Variants in RAPGEF5 observed in about 807,000 individuals in gnomAD.
RAPGEF5 encodes the protein Rap guanine nucleotide exchange factor 5.
A neutral mutation model predicts 125.2 loss-of-function variants in RAPGEF5; 65 were observed. The observed-to-expected ratio is 0.52, with a 90% confidence interval of 0.43 to 0.64. RAPGEF5 has a LOEUF of 0.64. RAPGEF5 is among the 30% of genes least tolerant of loss of function. The pLI is 0.00. For missense variants in RAPGEF5, 958 were observed against 1,048.1 expected, an observed-to-expected ratio of 0.91 and a Z score of 1.19; for synonymous variants, 391 against 385.9, an observed-to-expected ratio of 1.01 and a Z score of -0.16.
intron 11 of RAPGEF5, among the ~76,000 whole-genome samples, chr7:22,175,108 G>A (rs17146355): frequency 0.074 from 11,239 of 152,238 alleles, 608 homozygotes; most frequent in East Asian, 0.27. Flanking sequence ...CGAATGTACA[G>A]TCAATAGCCT....
chr7:22,141,634 G>A (rs567995320), intron 20 of RAPGEF5, among the ~76,000 whole-genome samples: 40 of 152,322 alleles, frequency 2.6e-4, no homozygotes, highest in African/African-American at 8.9e-4. Context: ...TAGAAAGGCC[G>A]TGTTGCCTCC....
chr7:22,254,683 G>C (rs964095866), intron 7 of RAPGEF5, among the ~76,000 whole-genome samples: 2 of 151,906 alleles, frequency 1.3e-5, no homozygotes, highest in African/African-American at 4.8e-5. Context: ...CTGGCACCAG[G>C]GACCAGTTTC....
intron 5 of RAPGEF5, among the ~76,000 whole-genome samples, chr7:22,297,645 A>G (rs1381980421): frequency 1.3e-5 from 2 of 152,262 alleles, no homozygotes; most frequent in East Asian, 3.8e-4. Flanking sequence ...GGCCATGGCC[A>G]GTGATGGCTG....
intron 7 of RAPGEF5, among the ~76,000 whole-genome samples, chr7:22,261,120 C>T (rs1382033200): frequency 5.3e-5 from 8 of 152,098 alleles, no homozygotes; most frequent in East Asian, 1.9e-4. Flanking sequence ...AAAACCTTAA[C>T]GCTGTCCACA....
Position 22,125,539 on chromosome 7 carries a change from T to C in RAPGEF5, c.2536+65A>G, listed in dbSNP as rs1250429917. ...GTTTAAATTGATTACCACCCAATAC[T>C]TGTGACCACAGTTGGTACCAACGTA... On this transcript the variant is annotated intron_variant, in intron 25 of 25. Transcript: ENST00000665637. 3.4e-6 allele frequency: 5 copies of C among 1,465,306 alleles called. No homozygotes were observed. In the East Asian group the frequency reaches 6.8e-5, roughly 20 times the overall value. The allele number at this position is 1,465,306 out of a possible 1,614,324, so 90.8% of individuals were successfully genotyped here.
intron 23 of RAPGEF5, among the ~76,000 whole-genome samples, chr7:22,134,212 T>C (rs1783009443): frequency 6.6e-6 from 1 of 152,246 alleles, no homozygotes; most frequent in South Asian, 2.1e-4. Context: ...TTTCATCACA[T>C]TTTCCTTGGA....
chr7:22,173,899 G>T lies in RAPGEF5; in HGVS notation c.1205-6751C>A, dbSNP rs1042762079. 2.0e-5 allele frequency among the ~76,000 whole-genome samples: 3 copies of T among 152,110 alleles called. No individual in the cohort carries two copies. In the East Asian group the frequency reaches 5.8e-4, roughly 29 times the overall value. On this transcript the variant is annotated intron_variant, in intron 11 of 25. Transcript: ENST00000665637. ...TAGGTACAATTGCAGCCCATTCATG[G>T]CATATGCATGCGTCTGCCAAGTATG...
At chr7:22,194,071 A>G (rs2128126299) in intron 9 of RAPGEF5, 38 bp from the exon 10 acceptor site, 1 of 1,541,250 alleles carries the variant, frequency 6.5e-7, no homozygotes, top group Non-Finnish European at 8.9e-7. Flanking sequence ...GAGAGAAGGA[A>G]AAAGAGAGAG....
intron 7 of RAPGEF5, among the ~76,000 whole-genome samples, chr7:22,260,293 T>A (rs942388758): frequency 2.6e-4 from 39 of 152,246 alleles, no homozygotes; most frequent in African/African-American, 9.4e-4. Context: ...GATAACCACA[T>A]GTCAATGGAG....
At chr7:22,324,044 G>A (rs1048502349) in intron 1 of RAPGEF5, among the ~76,000 whole-genome samples, 4 of 152,096 alleles carry the variant, frequency 2.6e-5, no homozygotes, top group African/African-American at 7.2e-5. Context: ...ATCTCCCGCC[G>A]AAATACTTAG....
intron 9 of RAPGEF5, among the ~76,000 whole-genome samples, chr7:22,201,727 A>T (rs1478193966): frequency 6.6e-6 from 1 of 152,228 alleles, no homozygotes; most frequent in Non-Finnish European, 1.5e-5. Context: ...GAGAGTGGCT[A>T]GTCAATCACA....
chr7:22,261,309 A>T (rs980180459), intron 7 of RAPGEF5, among the ~76,000 whole-genome samples: 1 of 152,188 alleles, frequency 6.6e-6, no homozygotes, highest in African/African-American at 2.4e-5. Context: ...AATAAAAATG[A>T]TGTAAAACTA....
At chr7:22,336,643 T>C (rs1784032341) in intron 1 of RAPGEF5, among the ~76,000 whole-genome samples, 2 of 152,108 alleles carry the variant, frequency 1.3e-5, no homozygotes, top group Admixed American at 6.5e-5. Context: ...GAGTGTGCAC[T>C]GGGATGGAGC....
rs545991055 is a variant in RAPGEF5, at chr7:22,219,968, C to G, written c.894G>C (p.Gln298His). 222 of 1,613,562 alleles carry G rather than the reference C, an allele frequency of 1.4e-4. 3 individuals are homozygous for G. The South Asian group carries it at 1.7e-3, about 12-fold the overall frequency. The change falls in exon 9 of 26, where the codon CAG (glutamine) becomes CAC (histidine). Residue 298 changes from glutamine (Q) to histidine (H), a missense_variant. Coordinates refer to ENST00000665637, the MANE Select transcript of RAPGEF5 (RefSeq NM_012294.5). ...DSQAGVMCKLQERDEIGRIEL... is the reference protein window; with the variant it reads ...DSQAGVMCKLHERDEIGRIEL... ...CAATTCGTCCGATTTCATCTCTTTC[C>G]TGGAGCTTGCACATCACCCCTGCCT...
intron 7 of RAPGEF5, among the ~76,000 whole-genome samples, chr7:22,240,115 C>CA (rs1442833416): frequency 1.3e-5 from 2 of 149,374 alleles, no homozygotes; most frequent in Admixed American, 1.3e-4. Context: ...GAAGCTGAGG[C>CA]AGGAGAATCA....
Position 22,291,245 on chromosome 7 carries a change from A to T in RAPGEF5, c.681-4T>A. 1.3e-6 allele frequency: 1 copy of T among 745,204 alleles called. No homozygotes were observed. Among genetic ancestry groups the T allele is most frequent in the Non-Finnish European group, 1.9e-6 (1 of 519,116 alleles). The allele number at this position is 745,204 out of a possible 1,614,324, so 46.2% of individuals were successfully genotyped here. On this transcript the variant is annotated splice_polypyrimidine_tract_variant and splice_region_variant and intron_variant, in intron 5 of 25. Transcript: ENST00000665637. ...GTCTTCAATTTTCTGATGAGACCTAAAAAAAAAAAAAAGAACAAATTACTT... is the reference window on the plus strand; with the variant it reads ...GTCTTCAATTTTCTGATGAGACCTATAAAAAAAAAAAAGAACAAATTACTT...
chr7:22,353,779 A>C (rs988174818), intron 1 of RAPGEF5, among the ~76,000 whole-genome samples: 3 of 152,218 alleles, frequency 2.0e-5, no homozygotes, highest in Non-Finnish European at 4.4e-5. Flanking sequence ...TGCATGCTGA[A>C]TTCAACACAA....
chr7:22,233,350 G>C (rs1224616455), intron 7 of RAPGEF5, among the ~76,000 whole-genome samples: 1 of 152,100 alleles, frequency 6.6e-6, no homozygotes, highest in Non-Finnish European at 1.5e-5. Flanking sequence ...TTGAATTTTT[G>C]CTCTTTAAAG....
intron 24 of RAPGEF5, among the ~76,000 whole-genome samples, chr7:22,126,926 A>G (rs778704612): frequency 6.6e-6 from 1 of 152,114 alleles, no homozygotes; most frequent in Non-Finnish European, 1.5e-5. Context: ...GCCGGCCAAC[A>G]TCAACATCTT....
Sources: gnomAD v4.1 joint callset for allele counts (sites outside exome capture counted in the v4.1 genomes callset) on GRCh38, gnomAD v4.1.1 for gene constraint, MANE v1.5 for transcripts, NCBI Gene and HGNC (gene_info 2026-07-23, HGNC 2026-07-21) for gene names.